The following TSKS variants were observed in gnomAD, a reference collection of about 807,000 sequenced individuals.
TSKS encodes testis-specific serine kinase substrate.
TSKS carries 27 observed loss-of-function variants against 68.0 expected under a neutral mutation model. That is an observed-to-expected ratio of 0.40 (90% CI 0.29 to 0.55). The LOEUF (loss-of-function observed/expected upper bound fraction) is 0.55. Among genes scored for constraint, TSKS ranks in the 20% least tolerant of loss-of-function variants. The probability of loss-of-function intolerance (pLI) is 0.53; values close to 1 mark genes in which losing one functional copy is unlikely to be tolerated. For synonymous variants in TSKS, 331 were observed against 340.4 expected (o/e 0.97, Z 0.30); for missense variants, 806 against 776.0 (o/e 1.04, Z -0.46).
chr19:49,759,193 G>C (rs563129131), intron 2 of TSKS, among the ~76,000 whole-genome samples: 1 of 151,280 alleles, frequency 6.6e-6, no homozygotes, highest in Non-Finnish European at 1.5e-5. Flanking sequence ...GGGTGAAGCC[G>C]GGAGCGGTGG....
At position 49,744,345 on chromosome 19, in the gene TSKS, G is replaced by C. The variant is rs1262047157; in HGVS notation, c.1247C>G (p.Pro416Arg). ...GAACTCCTCCAGAATGGGTTTCAGT[G>C]GGCCCAGCCCCTCCAGTTCGCTCCT... ...SLRSELEGLG[P>R]LKPILEEFGR... Residue 416 changes from proline (P) to arginine (R), a missense_variant, in exon 8 of 11, where the codon CCA (proline) becomes CGA (arginine). By Grantham distance (103) the Pro-to-Arg change is moderately radical. Transcript: ENST00000246801. 5 of 1,614,016 alleles carry C rather than the reference G, an allele frequency of 3.1e-6. No homozygotes were observed. Among genetic ancestry groups the C allele is most frequent in the South Asian group, 2.2e-5 (2 of 91,070 alleles).
intron 2 of TSKS, among the ~76,000 whole-genome samples, chr19:49,761,557 C>T (rs1365605954): frequency 1.3e-5 from 2 of 152,206 alleles, no homozygotes; most frequent in Non-Finnish European, 2.9e-5. Flanking sequence ...GAATTTCTCA[C>T]CCTAGTCTGT....
At chr19:49,758,678 G>C (rs79720100) in intron 2 of TSKS, among the ~76,000 whole-genome samples, 1,570 of 152,006 alleles carry the variant, frequency 0.01, 10 homozygotes, top group Non-Finnish European at 0.017. Flanking sequence ...CTCCCCTCTG[G>C]CCTCCCTGCC....
At chr19:49,758,812 C>T (rs2084415023) in intron 2 of TSKS, among the ~76,000 whole-genome samples, 1 of 152,098 alleles carries the variant, frequency 6.6e-6, no homozygotes, top group South Asian at 2.1e-4. Context: ...ACAACCCCTC[C>T]AACCTTGACC....
intron 2 of TSKS, 70 bp downstream of exon 2, chr19:49,761,934 T>G (rs533879328): frequency 2.0e-5 from 27 of 1,321,498 alleles, no homozygotes; most frequent in Non-Finnish European, 2.1e-6. Flanking sequence ...CCCACCCCCG[T>G]CCTAAGTATT....
Position 49,745,267 on chromosome 19 carries a change from G to C in TSKS, c.1122C>G (p.Arg374=), listed in dbSNP as rs542983208. ...AGTCCCGCGCCGTCTGTGCCTGTTC[G>C]CGCTGTGCCCGCTCCCACTGGCCTA... The part of the protein sequence containing the change: ...GFLGQWERAQ[R]EQAQTARDLQ... Residue 374 remains arginine (R), a synonymous_variant, in exon 7 of 11, where the codon CGC becomes CGG. Coordinates refer to ENST00000246801, the MANE Select transcript of TSKS (RefSeq NM_021733.2). The C allele has an allele frequency of 2.5e-6, 4 of 1,607,692 alleles. No individual in the cohort carries two copies. Among genetic ancestry groups the C allele is most frequent in the Non-Finnish European group, 3.4e-6 (4 of 1,179,606 alleles).
intron 2 of TSKS, among the ~76,000 whole-genome samples, chr19:49,754,082 C>A (rs1187077270): frequency 6.6e-6 from 1 of 150,936 alleles, no homozygotes; most frequent in African/African-American, 2.4e-5. Flanking sequence ...ATGGGGGTTT[C>A]ACCATATTGG....
intron 4 of TSKS, among the ~76,000 whole-genome samples, chr19:49,747,816 C>A (rs2084315338): frequency 6.6e-6 from 1 of 152,168 alleles, no homozygotes; most frequent in East Asian, 1.9e-4. Flanking sequence ...TCAAGCAATT[C>A]TTCTGCCTCA....
chr19:49,751,399 A>C (rs2084349661), intron 2 of TSKS, among the ~76,000 whole-genome samples: 1 of 152,072 alleles, frequency 6.6e-6, no homozygotes, highest in South Asian at 2.1e-4. Context: ...GTTTGTTCAC[A>C]ATTCTGGAAA....
In TSKS at chr19:49,742,027, G is replaced by A. The variant is rs773561271; in HGVS notation, c.1362-7C>T. ...AGACAACTGCGACCCCTGGCTGGGG[G>A]AGGGGCGGTCACCAGATAAAGAGGC... On this transcript the variant is annotated splice_polypyrimidine_tract_variant and splice_region_variant and intron_variant, in intron 8 of 10. Coordinates refer to ENST00000246801, the MANE Select transcript of TSKS (RefSeq NM_021733.2). 1.9e-6 allele frequency: 3 copies of A among 1,613,330 alleles called. No homozygotes were observed. Among genetic ancestry groups the A allele is most frequent in the Non-Finnish European group, 2.5e-6 (3 of 1,179,964 alleles).
chr19:49,742,496 CTT>C (rs978089309), intron 8 of TSKS, among the ~76,000 whole-genome samples: 1,384 of 101,136 alleles, frequency 0.014, 11 homozygotes, highest in African/African-American at 0.039. Flanking sequence ...GGGCCCGGCC[CTT>C]TTTTTTTTTT....
chr19:49,745,959 G>A (rs1441887965), intron 6 of TSKS, among the ~76,000 whole-genome samples: 1 of 152,086 alleles, frequency 6.6e-6, no homozygotes, highest in Non-Finnish European at 1.5e-5. Context: ...CGAGGCGGGC[G>A]GATCACGAGG....
At chr19:49,744,638 A>G (rs1267798375) in intron 7 of TSKS, among the ~76,000 whole-genome samples, 1 of 152,050 alleles carries the variant, frequency 6.6e-6, no homozygotes, top group African/African-American at 2.4e-5. Flanking sequence ...GCTGGAGTGC[A>G]GCAGCACCAT....
At chr19:49,742,114 C>T (rs1431001986) in intron 8 of TSKS, 94 bp from the exon 9 acceptor site, 4 of 1,454,016 alleles carry the variant, frequency 2.8e-6, no homozygotes, top group Non-Finnish European at 3.7e-6. Context: ...CATTTGGCCT[C>T]GTTTCCAGTA....
rs80234737 is a variant in TSKS at position 49,745,461 on chromosome 19, G to C, written c.993-65C>G. On this transcript the variant is annotated intron_variant, in intron 6 of 10. Coordinates refer to ENST00000246801, the MANE Select transcript of TSKS (RefSeq NM_021733.2). ...TCAACAGGTCCCCACCTACCCCCAC[G>C]AGATAGGTGGGACAGGACTCACCTA... 2.6e-3 allele frequency: 3,521 copies of C among 1,345,210 alleles called. 66 individuals carry two copies. In the African/African-American group the frequency reaches 0.044, roughly 17 times the overall value. The allele number at this position is 1,345,210 out of a possible 1,614,324, so 83.3% of individuals were successfully genotyped here. A position where few individuals can be genotyped will look rare whatever the true frequency, so the allele number is the denominator to read the frequency against.
At chr19:49,742,494 C>A (rs1366005387) in intron 8 of TSKS, among the ~76,000 whole-genome samples, 1 of 134,446 alleles carries the variant, frequency 7.4e-6, no homozygotes, top group African/African-American at 3.0e-5. Flanking sequence ...CCGGGCCCGG[C>A]CCTTTTTTTT....
intron 2 of TSKS, among the ~76,000 whole-genome samples, chr19:49,758,688 C>T (rs752502972): frequency 1.3e-5 from 2 of 152,122 alleles, no homozygotes; most frequent in African/African-American, 2.4e-5. Flanking sequence ...GCCTCCCTGC[C>T]TCAGTCTCTC....
At position 49,748,367 on chromosome 19, in the gene TSKS, C is replaced by T; in HGVS notation, c.495+7G>A. On this transcript the variant is annotated splice_region_variant and intron_variant, in intron 3 of 10. Transcript: ENST00000246801. ...GGGCAGGTGTTGGATATAGGGGGTC[C>T]TCACACCTGCAGAGACTGCACGTGC... 6.2e-7 allele frequency: 1 copy of T among 1,613,534 alleles called. No homozygotes were observed. The highest frequency in any genetic ancestry group is 1.3e-5 in the African/African-American group (1 of 75,040).
rs192930392 is a variant in TSKS, at chr19:49,760,638, T to A, written c.399+1366A>T. On this transcript the variant is annotated intron_variant, in intron 2 of 10. Transcript: ENST00000246801. ...GTCACTGCGCCTGGCCTACAAAAAA[T>A]TTTTTTTTAATCAGCCAGGTGTGTG... Among the ~76,000 whole-genome samples, 624 of 147,034 alleles carry A rather than the reference T, an allele frequency of 4.2e-3. 3 individuals are homozygous for A. Among genetic ancestry groups the A allele is most frequent in the East Asian group, 0.025 (109 of 4,392 alleles).
Sources: allele counts gnomAD v4.1 joint callset (sites outside exome capture counted in the v4.1 genomes callset), GRCh38; gene constraint gnomAD v4.1.1; transcripts MANE v1.5; gene names NCBI Gene and HGNC (gene_info 2026-07-23, HGNC 2026-07-21).